Variants in BIRC6 observed in about 807,000 individuals in gnomAD.
The protein encoded by BIRC6 is dual E2 ubiquitin-conjugating enzyme/E3 ubiquitin-protein ligase BIRC6.
BIRC6 carries 98 observed loss-of-function variants against 503.3 expected under a neutral mutation model. The observed-to-expected ratio is 0.19, with a 90% CI of 0.17 to 0.23. BIRC6 has a LOEUF of 0.23. Ranked by LOEUF, BIRC6 falls within the 10% of genes least tolerant of loss-of-function variation. BIRC6 has a pLI of 1.00. For missense variants in BIRC6, 5,360 were observed against 5,806.0 expected (o/e 0.92, Z 2.50); for synonymous variants, 2,240 against 2,078.7 (o/e 1.08, Z -2.11).
At chr2:32,478,574 TAGTGTTTGAAAAA>T in intron 35 of BIRC6, 48 bp from the exon 36 acceptor site, 1 of 1,430,986 alleles carries the variant, frequency 7.0e-7, no homozygotes, top group Non-Finnish European at 9.6e-7. Flanking sequence ...AGACTTCTGT[TAGTGTTTGAAAAA>T]ACATGTAATT....
At chr2:32,575,689 C>T (rs190698030) in intron 66 of BIRC6, among the ~76,000 whole-genome samples, 3 of 151,634 alleles carry the variant, frequency 2.0e-5, no homozygotes, top group South Asian at 2.1e-4. Context: ...GGCGTGAACC[C>T]GGGAGGCAGA....
Position 32,467,430 on chromosome 2 carries a change from T to C in BIRC6, c.5357-95T>C, listed in dbSNP as rs1417824067. On this transcript the variant is annotated intron_variant, in intron 26 of 73. Transcript: ENST00000421745. Reference sequence around the variant, plus strand: ...CTTATTTATAGTTTAGTGAGTTGCTTTCATATTTTAAGATGAGTGCTCCAA... The same window carrying C: ...CTTATTTATAGTTTAGTGAGTTGCTCTCATATTTTAAGATGAGTGCTCCAA... 6.1e-6 allele frequency: 6 copies of C among 983,190 alleles called. No homozygotes were observed. In the African/African-American group the frequency reaches 8.1e-5, roughly 13 times the overall value. 60.9% of individuals were successfully genotyped at this position (983,190 alleles called of 1,614,324 possible). A position where few individuals can be genotyped will look rare whatever the true frequency, so the allele number is the denominator to read the frequency against.
In BIRC6 at chr2:32,515,715, C is replaced by T. The variant is rs2054957007; in HGVS notation, c.11294C>T (p.Ala3765Val). 5 of 1,601,986 alleles carry T rather than the reference C, an allele frequency of 3.1e-6. No individual in the cohort carries two copies. The highest frequency in any genetic ancestry group is 2.2e-5 in the South Asian group (2 of 91,082). Residue 3765 changes from alanine (A) to valine (V), a missense_variant, in exon 55 of 74, where the codon GCG (alanine) becomes GTG (valine). Coordinates refer to ENST00000421745, the MANE Select transcript of BIRC6 (RefSeq NM_016252.4). ...QRTAIENATV[A>V]FFLQCISCHP... The stretch of plus-strand genomic sequence containing the variant: ...ACAGCAATTGAGAATGCAACTGTTG[C>T]GTTCTTTCTACAGTGCATTTCATGC...
At chr2:32,369,263 AT>A (rs2035425372) in intron 1 of BIRC6, among the ~76,000 whole-genome samples, 1 of 152,216 alleles carries the variant, frequency 6.6e-6, no homozygotes, top group African/African-American at 2.4e-5. Context: ...TGTGACTACC[AT>A]TCAGGAGATA....
intron 42 of BIRC6, among the ~76,000 whole-genome samples, chr2:32,489,360 A>G (rs1223925393): frequency 6.6e-6 from 1 of 152,024 alleles, no homozygotes; most frequent in African/African-American, 2.4e-5. Context: ...CACAGATTCT[A>G]CTTACATCTG....
At chr2:32,577,901 T>C (rs183637158) in intron 66 of BIRC6, among the ~76,000 whole-genome samples, 1 of 152,336 alleles carries the variant, frequency 6.6e-6, no homozygotes, top group East Asian at 1.9e-4. Flanking sequence ...ACTTATAAAC[T>C]ATGTACCAAC....
At chr2:32,387,301 CTTTTTTTTTT>C in intron 3 of BIRC6, among the ~76,000 whole-genome samples, 1 of 123,442 alleles carries the variant, frequency 8.1e-6, no homozygotes, top group South Asian at 2.6e-4. Flanking sequence ...CATTCTCCCT[CTTTTTTTTTT>C]TTTTTTTTTT....
At chr2:32,531,605 C>T in intron 61 of BIRC6, 54 bp downstream of exon 61, 1 of 1,409,530 alleles carries the variant, frequency 7.1e-7, no homozygotes, top group African/African-American at 1.4e-5. Context: ...GCCCTTCATT[C>T]TTTTTAATGT....
intron 65 of BIRC6, chr2:32,564,864 AGG>A (rs2059425842): frequency 6.6e-6 from 1 of 152,222 alleles, no homozygotes. Flanking sequence ...CCTCTGGGAG[AGG>A]GAGGCCTGTG....
chr2:32,512,872 C>A (rs1397630574), intron 53 of BIRC6, 61 bp from the exon 54 acceptor site: 1 of 1,272,264 alleles, frequency 7.9e-7, no homozygotes, highest in African/African-American at 1.5e-5. Context: ...TGGTATTTAT[C>A]TATATGAAAT....
At chr2:32,498,120 G>A (rs1217364084) in intron 45 of BIRC6, among the ~76,000 whole-genome samples, 1 of 152,132 alleles carries the variant, frequency 6.6e-6, no homozygotes, top group Non-Finnish European at 1.5e-5. Flanking sequence ...GGAGCGTAGT[G>A]GTGCGATCTT....
chr2:32,380,221 C>T lies in BIRC6; in HGVS notation c.576C>T (p.Phe192=). Residue 192 remains phenylalanine (F), a synonymous_variant, in exon 3 of 74, where the codon TTC becomes TTT. Coordinates refer to ENST00000421745, the MANE Select transcript of BIRC6 (RefSeq NM_016252.4). ...CTAGTACAGAGGGTTATGATTTGTTCATCACACAGCTCAAAGATGGTTTAA... is the reference window on the plus strand; with the variant it reads ...CTAGTACAGAGGGTTATGATTTGTTTATCACACAGCTCAAAGATGGTTTAA... ...DISSTEGYDL[F]ITQLKDGLKN... 1 of 1,609,020 alleles carries T rather than the reference C, an allele frequency of 6.2e-7. No individual in the cohort carries two copies. The highest frequency in any genetic ancestry group is 1.1e-5 in the South Asian group (1 of 90,004).
At chr2:32,401,025 A>G (rs1392489141) in intron 6 of BIRC6, 138 bp from the exon 7 acceptor site, 1 of 692,338 alleles carries the variant, frequency 1.4e-6, no homozygotes, top group East Asian at 2.7e-5. Flanking sequence ...AAACTGAATG[A>G]TTTGGTTATA....
intron 61 of BIRC6, among the ~76,000 whole-genome samples, chr2:32,542,435 A>G (rs2057734602): frequency 6.6e-6 from 1 of 152,176 alleles, no homozygotes; most frequent in Admixed American, 6.5e-5. Context: ...TATTCCCCTC[A>G]GGCATCAAAA....
intron 20 of BIRC6, 65 bp downstream of exon 20, chr2:32,443,653 G>T: frequency 8.3e-7 from 1 of 1,210,048 alleles, no homozygotes; most frequent in South Asian, 1.4e-5. Flanking sequence ...TGTATACTTA[G>T]GATTATTTCA....
chr2:32,493,402 CATT>C (rs2149358493), intron 44 of BIRC6, 135 bp from the exon 45 acceptor site: 1 of 670,132 alleles, frequency 1.5e-6, no homozygotes, highest in Non-Finnish European at 2.3e-6. Flanking sequence ...TTCCTGCTAT[CATT>C]GTTAATACTT....
chr2:32,532,446 G>A lies in BIRC6; in HGVS notation c.12291+895G>A, dbSNP rs142299668. 4.4e-3 allele frequency among the ~76,000 whole-genome samples: 667 copies of A among 152,060 alleles called. 4 individuals carry two copies. The highest frequency in any genetic ancestry group is 0.015 in the African/African-American group (642 of 41,464). On this transcript the variant is annotated intron_variant, in intron 61 of 73. Coordinates refer to ENST00000421745, the MANE Select transcript of BIRC6 (RefSeq NM_016252.4). ...AATCACTTTAATTTCTGCCTACGTC[G>A]TCATATGGCCATCTTTCCTGTGTGT...
rs187251782 is a variant in BIRC6 at position 32,416,464 on chromosome 2, G to T, written c.2872+301G>T. Among the ~76,000 whole-genome samples, 4 of 151,374 alleles carry T rather than the reference G, an allele frequency of 2.6e-5. 1 individual carries two copies. In the East Asian group the frequency reaches 7.8e-4, roughly 29 times the overall value. ...TGACTCTGCATCTGCTCAAATTTATGACCTTGGGCAAGTTATGTTAAATTC... is the reference window on the plus strand; with the variant it reads ...TGACTCTGCATCTGCTCAAATTTATTACCTTGGGCAAGTTATGTTAAATTC... On this transcript the variant is annotated intron_variant, in intron 10 of 73. Coordinates refer to ENST00000421745, the MANE Select transcript of BIRC6 (RefSeq NM_016252.4).
At position 32,464,561 on chromosome 2, in the gene BIRC6, C is replaced by T; in HGVS notation, c.4994C>T (p.Ala1665Val). The T allele has an allele frequency of 6.2e-7, 1 of 1,605,892 alleles. No homozygotes were observed. Among genetic ancestry groups the T allele is most frequent in the Non-Finnish European group, 8.5e-7 (1 of 1,175,546 alleles). Residue 1665 changes from alanine (A) to valine (V), a missense_variant, in exon 25 of 74, where the codon GCA (alanine) becomes GTA (valine). By Grantham distance (64) the Ala-to-Val change is moderately conservative. Coordinates refer to ENST00000421745, the MANE Select transcript of BIRC6 (RefSeq NM_016252.4). ...LHQTTAAAAA[A>V]ASAVGPVHNS... Reference sequence around the variant, plus strand: ...CAGACAACAGCTGCAGCAGCTGCAGCAGCATCAGCAGTAGGTCCTGTTCAC... The same window carrying T: ...CAGACAACAGCTGCAGCAGCTGCAGTAGCATCAGCAGTAGGTCCTGTTCAC...
Sources: allele counts gnomAD v4.1 joint callset (sites outside exome capture counted in the v4.1 genomes callset), GRCh38; gene constraint gnomAD v4.1.1; transcripts MANE v1.5; gene names NCBI Gene and HGNC (gene_info 2026-07-23, HGNC 2026-07-21).